Variants in IFT56 observed in about 807,000 individuals in gnomAD.
The protein encoded by IFT56 is intraflagellar transport 56, also known as intraflagellar transport protein 56.
chr7:139,161,509 A>T, the IFT56 span, among the ~76,000 whole-genome samples: 1 of 152,326 alleles, frequency 6.6e-6, no homozygotes, highest in East Asian at 1.9e-4. Flanking sequence ...TTAGGGCTAG[A>T]TTATGATTCT....
the IFT56 span, chr7:139,191,568 A>G: frequency 6.6e-6 from 1 of 152,148 alleles, no homozygotes; most frequent in African/African-American, 2.4e-5. Context: ...TCTCTCTGAC[A>G]TTTTCCTGTC....
At chr7:139,162,782 A>G in the IFT56 span, among the ~76,000 whole-genome samples, 1 of 151,568 alleles carries the variant, frequency 6.6e-6, no homozygotes, top group South Asian at 2.1e-4. Flanking sequence ...AACATGGTGA[A>G]ACTCCACCTC....
At chr7:139,140,775 C>CAAAAAAAAAAAAAAAAAAAAAAAAAAAAA in the IFT56 span, among the ~76,000 whole-genome samples, 1 of 74,892 alleles carries the variant, frequency 1.3e-5, no homozygotes. Flanking sequence ...AACTCCACCT[C>CAAAAAAAAAAAAAAAAAAAAAAAAAAAAA]AAAAAAAAAA....
At chr7:139,145,655 A>G in the IFT56 span, among the ~76,000 whole-genome samples, 4 of 151,734 alleles carry the variant, frequency 2.6e-5, no homozygotes, top group African/African-American at 7.3e-5. Context: ...AGCTCAAGTG[A>G]TCTGCTCACC....
At chr7:139,159,389 C>T in the IFT56 span, among the ~76,000 whole-genome samples, 1 of 152,048 alleles carries the variant, frequency 6.6e-6, no homozygotes, top group African/African-American at 2.4e-5. Context: ...CAAAAACCAA[C>T]TTTTGTTTTT....
the IFT56 span, chr7:139,147,259 G>A: frequency 6.2e-7 from 1 of 1,613,078 alleles, no homozygotes; most frequent in Non-Finnish European, 8.5e-7. Context: ...AGAAGCTATA[G>A]ATATATATAA....
At chr7:139,159,155 T>C in the IFT56 span, among the ~76,000 whole-genome samples, 1 of 152,240 alleles carries the variant, frequency 6.6e-6, no homozygotes, top group African/African-American at 2.4e-5. Context: ...TTCTATTTTC[T>C]GCAAGAGTTT....
the IFT56 span, among the ~76,000 whole-genome samples, chr7:139,144,259 A>G: frequency 6.6e-6 from 1 of 151,990 alleles, no homozygotes; most frequent in African/African-American, 2.4e-5. Context: ...TTCTCAGTGT[A>G]GAGTTCTAGG....
the IFT56 span, chr7:139,178,122 C>A: frequency 1.1e-6 from 1 of 895,792 alleles, no homozygotes; most frequent in Non-Finnish European, 1.7e-6. Flanking sequence ...GGAATATTTT[C>A]CTGTCTTTAA....
chr7:139,184,814 G>A, the IFT56 span, among the ~76,000 whole-genome samples: 1 of 152,072 alleles, frequency 6.6e-6, no homozygotes, highest in Non-Finnish European at 1.5e-5. Flanking sequence ...CAGCACTTTG[G>A]GAGGCTGAGG....
the IFT56 span, among the ~76,000 whole-genome samples, chr7:139,159,567 T>A: frequency 8.0e-4 from 122 of 152,330 alleles, no homozygotes; most frequent in Middle Eastern, 6.8e-3. Flanking sequence ...TGTGCTGGTA[T>A]TGGGCTTTCT....
chr7:139,178,683 G>T, the IFT56 span: 1 of 1,260,286 alleles, frequency 7.9e-7, no homozygotes, highest in Non-Finnish European at 1.1e-6. Context: ...ATGGTCAAGG[G>T]TTAAGGATTA....
At chr7:139,189,453 A>C in the IFT56 span, 3 of 1,508,714 alleles carry the variant, frequency 2.0e-6, no homozygotes, top group East Asian at 6.8e-5. Flanking sequence ...GCGTCCTAGG[A>C]ACCAGCTTCT....
the IFT56 span, among the ~76,000 whole-genome samples, chr7:139,182,106 G>A: frequency 6.7e-3 from 1,018 of 152,092 alleles, 14 homozygotes; most frequent in African/African-American, 0.024. Context: ...GTGGAGGGGC[G>A]GGGGGAGTTG....
At chr7:139,161,568 C>T in the IFT56 span, among the ~76,000 whole-genome samples, 1 of 152,216 alleles carries the variant, frequency 6.6e-6, no homozygotes, top group Non-Finnish European at 1.5e-5. Context: ...ATTCAGATAC[C>T]TGGGAGCACT....
At chr7:139,153,502 C>CA in the IFT56 span, among the ~76,000 whole-genome samples, 2 of 151,926 alleles carry the variant, frequency 1.3e-5, no homozygotes, top group African/African-American at 2.4e-5. Flanking sequence ...CCCATTCCCC[C>CA]AGCCCTGAGC....
the IFT56 span, chr7:139,172,394 C>T: frequency 1.7e-5 from 6 of 343,548 alleles, no homozygotes; most frequent in Admixed American, 8.2e-5. Context: ...CTGTCAGAGC[C>T]GCCAGGTGGG....
the IFT56 span, among the ~76,000 whole-genome samples, chr7:139,148,725 G>A: frequency 6.6e-6 from 1 of 151,244 alleles, no homozygotes; most frequent in African/African-American, 2.4e-5. Context: ...AGGAGTTTGA[G>A]ACCAGCCTAG....
chr7:139,166,568 C>G, the IFT56 span, among the ~76,000 whole-genome samples: 1 of 151,848 alleles, frequency 6.6e-6, no homozygotes, highest in Non-Finnish European at 1.5e-5. Context: ...CTTTTCTTAT[C>G]TAATACAATG....
Sources: gnomAD v4.1 joint callset for allele counts (sites outside exome capture counted in the v4.1 genomes callset) on GRCh38, gnomAD v4.1.1 for gene constraint, MANE v1.5 for transcripts, NCBI Gene and HGNC (gene_info 2026-07-23, HGNC 2026-07-21) for gene names.